The following MYH15 variants were observed in gnomAD, a reference collection of about 807,000 sequenced individuals.
MYH15 encodes the protein myosin heavy chain 15.
A neutral mutation model predicts 240.5 loss-of-function variants in MYH15; 227 were observed. The ratio of observed to expected loss-of-function variants is 0.94; its 90% CI spans 0.85 to 1.05. MYH15 has a LOEUF of 1.05. Among genes scored for constraint, MYH15 ranks in the 50% least tolerant of loss-of-function variants. The probability of loss-of-function intolerance (pLI) is 0.00; values close to 1 mark genes in which losing one functional copy is unlikely to be tolerated. For synonymous variants in MYH15, 785 were observed against 796.7 expected, an observed-to-expected ratio of 0.99 and a Z score of 0.25; for missense variants, 2,217 against 2,247.5, an observed-to-expected ratio of 0.99 and a Z score of 0.27.
chr3:108,484,019 C>T (rs1209664527), intron 11 of MYH15, among the ~76,000 whole-genome samples: 1 of 152,076 alleles, frequency 6.6e-6, no homozygotes, highest in African/African-American at 2.4e-5. Context: ...AATTACACAA[C>T]AATGTGAATG....
upstream of MYH15, among the ~76,000 whole-genome samples, chr3:108,530,584 A>C (rs2083704811): frequency 6.6e-6 from 1 of 152,172 alleles, no homozygotes. Flanking sequence ...ACTTTGAGTA[A>C]TAATAATGTG....
At chr3:108,433,771 C>A (rs909891334) in intron 25 of MYH15, among the ~76,000 whole-genome samples, 2 of 152,118 alleles carry the variant, frequency 1.3e-5, no homozygotes, top group African/African-American at 4.8e-5. Flanking sequence ...TGAGGCCTCC[C>A]AAGACATGTG....
rs113035624 is a variant in MYH15 at position 108,524,832 on chromosome 3, C to T, written c.-58+4431G>A. ...TACCCCAGTGTGAGGGATCAGGTTT[C>T]TTCTGTCTTGATCTACTGTTCATGG... On this transcript the variant is annotated intron_variant, in intron 1 of 41. Coordinates refer to the MYH15 transcript ENST00000273353. Among the ~76,000 whole-genome samples, 12 of 152,094 alleles carry T rather than the reference C, an allele frequency of 7.9e-5. 1 individual carries two copies. Among genetic ancestry groups the T allele is most frequent in the African/African-American group, 2.9e-4 (12 of 41,530 alleles).
At chr3:108,389,167 G>T in intron 37 of MYH15, 93 bp from the exon 38 acceptor site, 1 of 1,131,988 alleles carries the variant, frequency 8.8e-7, no homozygotes, top group Non-Finnish European at 1.3e-6. Context: ...ACAGCAAAGT[G>T]TCAAGGGAAC....
At chr3:108,497,254 C>G (rs902836769) in intron 6 of MYH15, among the ~76,000 whole-genome samples, 57 of 144,750 alleles carry the variant, frequency 3.9e-4, no homozygotes, top group African/African-American at 1.4e-3. Context: ...AAAGAAACTT[C>G]TATAGTTTAA....
chr3:108,530,282 A>G (rs1272525802), upstream of MYH15, among the ~76,000 whole-genome samples: 1 of 152,352 alleles, frequency 6.6e-6, no homozygotes, highest in African/African-American at 2.4e-5. Context: ...AAATATATCT[A>G]CCACCTAACA....
chr3:108,421,669 A>G (rs2082685534), intron 27 of MYH15, among the ~76,000 whole-genome samples: 1 of 152,202 alleles, frequency 6.6e-6, no homozygotes, highest in Non-Finnish European at 1.5e-5. Flanking sequence ...GCAAGGGTGG[A>G]GAGGCAGACG....
At position 108,441,105 on chromosome 3, in the gene MYH15, A is replaced by G. The variant is rs1179314863; in HGVS notation, c.2811T>C (p.Asp937=). Residue 937 remains aspartate, a synonymous_variant, in exon 23 of 41, where the codon GAT becomes GAC. Coordinates refer to ENST00000693548, the MANE Select transcript of MYH15 (RefSeq NM_014981.3). ...ELTARGRKLE[D]ECFELKKEID... ...TTTCTTTCTTCAACTCAAAACATTC[A>G]TCTTCGAGTTTCCGCCCCCTGGCAG... 5 of 1,614,128 alleles carry G rather than the reference A, an allele frequency of 3.1e-6. No homozygotes were observed. The highest frequency in any genetic ancestry group is 3.3e-5 in the Admixed American group (2 of 60,022).
intron 15 of MYH15, among the ~76,000 whole-genome samples, 176 bp downstream of exon 15, chr3:108,464,462 T>G (rs1045743753): frequency 6.6e-6 from 1 of 152,206 alleles, no homozygotes; most frequent in Non-Finnish European, 1.5e-5. Context: ...TGGAATGCTA[T>G]TGTTCATTTC....
chr3:108,535,919 A>C, the MYH15 span, among the ~76,000 whole-genome samples: 1 of 152,194 alleles, frequency 6.6e-6, no homozygotes, highest in Non-Finnish European at 1.5e-5. Context: ...ATTTATATGC[A>C]TATTGACATT....
At chr3:108,513,647 TTAA>T (rs1404196090), upstream of MYH15, among the ~76,000 whole-genome samples, 1 of 152,112 alleles carries the variant, frequency 6.6e-6, no homozygotes, top group Non-Finnish European at 1.5e-5. Context: ...GACAACAAAC[TTAA>T]TCTAAGACTG....
At chr3:108,528,947 GA>G (rs2083693616) in intron 1 of MYH15, among the ~76,000 whole-genome samples, 1 of 152,180 alleles carries the variant, frequency 6.6e-6, no homozygotes, top group South Asian at 2.1e-4. Context: ...AAATTCAGTG[GA>G]AAATTTCAGC....
chr3:108,471,073 G>GAGAGGGAGGGAGGGAGGAAGGA (rs2083171287), intron 12 of MYH15, among the ~76,000 whole-genome samples: 84 of 128,056 alleles, frequency 6.6e-4, no homozygotes, highest in Non-Finnish European at 1.1e-3. Context: ...GGGAGGGAGG[G>GAGAGGGAGGGAGGGAGGAAGGA]AGGAAGGAAG....
At chr3:108,459,572 A>C in intron 17 of MYH15, 123 bp from the exon 18 acceptor site, 2 of 547,608 alleles carry the variant, frequency 3.7e-6, no homozygotes, top group Non-Finnish European at 6.3e-6. Context: ...TCTAACAGTA[A>C]AATAATGAAT....
In MYH15 at chr3:108,398,162, C is replaced by T. The variant is rs80167982; in HGVS notation, c.5133+475G>A. 7.2e-3 allele frequency among the ~76,000 whole-genome samples: 1,101 copies of T among 152,160 alleles called. 31 individuals carry two copies. The highest frequency in any genetic ancestry group is 0.046 in the Admixed American group (705 of 15,280). On this transcript the variant is annotated intron_variant, in intron 35 of 40. Coordinates refer to ENST00000693548, the MANE Select transcript of MYH15 (RefSeq NM_014981.3). ...CCTTAATCAAATATGACTGGTACCC[C>T]TATAAAAAGTGGCAATTTGGACAGC... is the stretch of plus-strand genomic sequence containing the variant.
At chr3:108,400,991 G>A (rs1243200643) in intron 33 of MYH15, among the ~76,000 whole-genome samples, 1 of 152,106 alleles carries the variant, frequency 6.6e-6, no homozygotes, top group African/African-American at 2.4e-5. Context: ...AGAGCCCAAT[G>A]TGAGCACCTA....
intron 38 of MYH15, among the ~76,000 whole-genome samples, chr3:108,385,788 C>T (rs953550310): frequency 6.6e-6 from 1 of 150,454 alleles, no homozygotes; most frequent in African/African-American, 2.5e-5. Flanking sequence ...CCTTCCATTC[C>T]CCCCACCACC....
chr3:108,402,824 T>C (rs1350664883), intron 33 of MYH15, among the ~76,000 whole-genome samples: 1 of 152,188 alleles, frequency 6.6e-6, no homozygotes, highest in Non-Finnish European at 1.5e-5. Context: ...CAGCTCAGTC[T>C]TGGGCCATGC....
rs573415100 is a variant in MYH15, at chr3:108,430,837, G to A, written c.3307C>T (p.Leu1103Phe). The A allele has an allele frequency of 8.1e-6, 13 of 1,609,560 alleles. No individual in the cohort carries two copies. In the Admixed American group the frequency reaches 1.8e-4, roughly 23 times the overall value. The stretch of plus-strand genomic sequence containing the variant: ...CATATTTGATAATTGATTACCTGAA[G>A]CTCTTTAACCGTCTTCTGAAGCTGA... ...VAQLQKTVKE[L>F]QTQIKDLKEK... Residue 1103 changes from leucine (L) to phenylalanine (F), a missense_variant, in exon 26 of 41, where the codon CTT (leucine) becomes TTT (phenylalanine). By Grantham distance (22) the Leu-to-Phe change is conservative (BLOSUM62 0). Coordinates refer to ENST00000693548, the MANE Select transcript of MYH15 (RefSeq NM_014981.3).
Sources: allele counts gnomAD v4.1 joint callset (sites outside exome capture counted in the v4.1 genomes callset), GRCh38; gene constraint gnomAD v4.1.1; transcripts MANE v1.5; gene names NCBI Gene and HGNC (gene_info 2026-07-23, HGNC 2026-07-21).